CCDC192: variants seen among roughly 807,000 people sequenced by gnomAD.
CCDC192 encodes coiled-coil domain-containing protein 192.
chr5:127,733,143 T>G (rs534069945), intron 2 of CCDC192, among the ~76,000 whole-genome samples: 1 of 152,318 alleles, frequency 6.6e-6, no homozygotes, highest in South Asian at 2.1e-4. Flanking sequence ...GCTCTTAGTT[T>G]ATGCATAACT....
Position 127,751,213 on chromosome 5 carries a change from T to C in CCDC192, c.115-3055T>C, listed in dbSNP as rs977295090. On this transcript the variant is annotated intron_variant, in intron 2 of 6. Transcript: ENST00000514853. ...TGATGCAGTTTCTTCCTAGTCTCGA[T>C]GGTCTTTACATCTTGGCATGATTTT... 4.6e-5 allele frequency among the ~76,000 whole-genome samples: 7 copies of C among 152,236 alleles called. No individual in the cohort carries two copies. The East Asian group carries it at 7.7e-4, about 17-fold the overall frequency.
chr5:127,779,263 C>G (rs1440303958), intron 3 of CCDC192, among the ~76,000 whole-genome samples: 1 of 152,044 alleles, frequency 6.6e-6, no homozygotes, highest in African/African-American at 2.4e-5. Context: ...TTTATATGTG[C>G]ATATATAAAC....
rs73345031 is a variant in CCDC192 at position 127,765,776 on chromosome 5, A to C, written c.222+11401A>C. Among the ~76,000 whole-genome samples, 720 of 152,310 alleles carry C rather than the reference A, an allele frequency of 4.7e-3. 1 individual carries two copies. The highest frequency in any genetic ancestry group is 0.016 in the African/African-American group (675 of 41,560). Reference sequence around the variant, plus strand: ...TGGCTGGTAATTGTAACATTTGGTCACTCTATCACTGAACAGAAAATGTCC... The same window carrying C: ...TGGCTGGTAATTGTAACATTTGGTCCCTCTATCACTGAACAGAAAATGTCC... On this transcript the variant is annotated intron_variant, in intron 3 of 6. Transcript: ENST00000514853.
chr5:127,893,463 A>T (rs1752786331), intron 6 of CCDC192, among the ~76,000 whole-genome samples: 2 of 152,140 alleles, frequency 1.3e-5, no homozygotes, highest in African/African-American at 2.4e-5. Context: ...AAGGACACCC[A>T]CTGCAGTCCA....
intron 3 of CCDC192, among the ~76,000 whole-genome samples, chr5:127,778,747 GTTTCT>G (rs922877739): frequency 5.9e-5 from 9 of 151,822 alleles, no homozygotes; most frequent in South Asian, 2.1e-4. Context: ...TGGGAGTTTT[GTTTCT>G]TTTCTTTTCT....
intron 1 of CCDC192, among the ~76,000 whole-genome samples, chr5:127,706,015 TAC>T (rs1221007569): frequency 6.6e-6 from 1 of 152,142 alleles, no homozygotes; most frequent in Non-Finnish European, 1.5e-5. Context: ...GAAAAGCAAT[TAC>T]ATCTCTTAGA....
At chr5:127,748,521 T>C (rs1412595477) in intron 2 of CCDC192, among the ~76,000 whole-genome samples, 6 of 136,798 alleles carry the variant, frequency 4.4e-5, no homozygotes, top group African/African-American at 1.6e-4. Flanking sequence ...CCTTGTAGTA[T>C]AGTTTGAAGT....
chr5:127,772,700 G>C (rs1451130250), intron 3 of CCDC192, among the ~76,000 whole-genome samples: 1 of 152,148 alleles, frequency 6.6e-6, no homozygotes, highest in Non-Finnish European at 1.5e-5. Flanking sequence ...ACCCGTGTCA[G>C]AAATGATCTC....
intron 6 of CCDC192, among the ~76,000 whole-genome samples, chr5:127,893,008 T>TA (rs1752774188): frequency 6.6e-6 from 1 of 152,196 alleles, no homozygotes; most frequent in Admixed American, 6.5e-5. Flanking sequence ...GGATCGGAGA[T>TA]ATCTGAAAAC....
At chr5:127,775,707 G>A (rs1289578736) in intron 3 of CCDC192, among the ~76,000 whole-genome samples, 4 of 152,160 alleles carry the variant, frequency 2.6e-5, no homozygotes, top group African/African-American at 9.7e-5. Flanking sequence ...ATCTTGATTT[G>A]TAGCTCCCAT....
At chr5:127,784,555 C>T in intron 3 of CCDC192, 2 of 447,604 alleles carry the variant, frequency 4.5e-6, no homozygotes, top group East Asian at 1.1e-4. Flanking sequence ...GAGTTGTTTA[C>T]ATTCTTTCCA....
rs534713070 is a variant in CCDC192 at position 127,815,237 on chromosome 5, G to A, written c.411+17075G>A. The stretch of plus-strand genomic sequence containing the variant: ...ACTTTAACATATTTTAGAAAGAGTC[G>A]ATGGATATTTGTGTGCCATTTTCTG... On this transcript the variant is annotated intron_variant, in intron 5 of 6. Coordinates refer to ENST00000514853, the MANE Select transcript of CCDC192 (RefSeq NM_001317938.2). Among the ~76,000 whole-genome samples, 8 of 152,296 alleles carry A rather than the reference G, an allele frequency of 5.3e-5. No individual in the cohort carries two copies. The East Asian group carries it at 1.3e-3, about 26-fold the overall frequency.
chr5:127,747,170 T>C (rs1753808217), intron 2 of CCDC192, among the ~76,000 whole-genome samples: 1 of 151,992 alleles, frequency 6.6e-6, no homozygotes. Context: ...GTTAGTTACA[T>C]ACGTATACAT....
chr5:127,790,130 G>A (rs1183031125), intron 3 of CCDC192, among the ~76,000 whole-genome samples: 1 of 152,194 alleles, frequency 6.6e-6, no homozygotes, highest in Admixed American at 6.5e-5. Flanking sequence ...CTGGAGGGCA[G>A]AGTATCAAAC....
intron 3 of CCDC192, chr5:127,786,200 G>A (rs1580656127): frequency 1.2e-6 from 1 of 811,574 alleles, no homozygotes; most frequent in Non-Finnish European, 2.2e-6. Flanking sequence ...AATTCATCTT[G>A]TGTGCCTTCA....
chr5:127,940,030 G>A (rs982452311), intron 6 of CCDC192, among the ~76,000 whole-genome samples: 2 of 152,156 alleles, frequency 1.3e-5, no homozygotes, highest in Non-Finnish European at 2.9e-5. Context: ...GAGAGTGGTG[G>A]GGTACTGCTA....
intron 5 of CCDC192, among the ~76,000 whole-genome samples, chr5:127,849,722 C>A (rs1482487334): frequency 1.3e-5 from 2 of 152,214 alleles, no homozygotes; most frequent in African/African-American, 4.8e-5. Context: ...ACCAAGGAAG[C>A]AGAAACAAAT....
intron 2 of CCDC192, among the ~76,000 whole-genome samples, chr5:127,709,205 GAGA>G (rs1561438695): frequency 1.0e-3 from 14 of 13,422 alleles, no homozygotes; most frequent in African/African-American, 5.3e-3. Context: ...GAGAGGGGGA[GAGA>G]GAGAGAGAGA....
chr5:127,885,096 T>C (rs151859), intron 6 of CCDC192, among the ~76,000 whole-genome samples: 99,143 of 151,372 alleles, frequency 0.65, 32,401 homozygotes, highest in Non-Finnish European at 0.68. Flanking sequence ...TCCTTAGGAA[T>C]GGTACTTTTT....
Sources: allele counts gnomAD v4.1 joint callset (sites outside exome capture counted in the v4.1 genomes callset), GRCh38; gene constraint gnomAD v4.1.1; transcripts MANE v1.5; gene names NCBI Gene and HGNC (gene_info 2026-07-23, HGNC 2026-07-21).